Variants in NID2 observed in about 807,000 individuals in gnomAD.
The protein encoded by NID2 is nidogen 2.
In NID2, 83 loss-of-function variants were observed where a neutral mutation model predicts 145.4. That is an observed-to-expected ratio of 0.57 (90% CI 0.48 to 0.69). NID2 has a LOEUF of 0.69. Among genes scored for constraint, NID2 ranks in the 30% least tolerant of loss-of-function variants. NID2 has a pLI of 0.00. For missense variants in NID2, 1,807 were observed against 1,765.7 expected (o/e 1.02, Z -0.42); for synonymous variants, 739 against 701.3 (o/e 1.05, Z -0.85).
chr14:52,015,348 C>G (rs1244090377), intron 14 of NID2, 73 bp from the exon 15 acceptor site: 2 of 1,423,652 alleles, frequency 1.4e-6, no homozygotes, highest in Non-Finnish European at 1.9e-6. Context: ...AAATGTAGCT[C>G]AAGACCCCAT....
Position 52,015,113 on chromosome 14 carries a change from A to C in NID2, c.3191T>G (p.Val1064Gly). Residue 1064 changes from valine (V) to glycine (G), a missense_variant, in exon 15 of 22, where the codon GTG becomes GGG. Physicochemically the swap from Val to Gly is moderately radical, Grantham distance 109. Transcript: ENST00000216286. The stretch of plus-strand genomic sequence containing the variant: ...CTGCACCTCTCTGCCATCTTTGTCC[A>C]CACACCAGCAGAAGTCGCTCTTTCC... ...CHGKSDFCWC[V>G]DKDGREVQGT... The C allele has an allele frequency of 8.1e-6, 13 of 1,614,082 alleles. No homozygotes were observed. The highest frequency in any genetic ancestry group is 1.1e-5 in the Non-Finnish European group (13 of 1,179,994).
chr14:52,067,706 C>G, intron 2 of NID2, 152 bp downstream of exon 2: 1 of 925,046 alleles, frequency 1.1e-6, no homozygotes, highest in Non-Finnish European at 1.7e-6. Flanking sequence ...TCTTTCCTCA[C>G]TCCCAAGCCA....
intron 2 of NID2, among the ~76,000 whole-genome samples, chr14:52,067,326 GA>G (rs1476393565): frequency 2.6e-5 from 4 of 152,010 alleles, no homozygotes; most frequent in Non-Finnish European, 4.4e-5. Flanking sequence ...ACTATTCTGT[GA>G]AAAAAGCAAG....
At chr14:52,052,600 A>G (rs1892714149) in intron 5 of NID2, among the ~76,000 whole-genome samples, 1 of 152,306 alleles carries the variant, frequency 6.6e-6, no homozygotes, top group South Asian at 2.1e-4. Context: ...CCCTCCTGAA[A>G]TTAGTACCTC....
At chr14:52,006,262 C>T (rs1456752682) in intron 20 of NID2, 2 of 420,592 alleles carry the variant, frequency 4.8e-6, no homozygotes, top group Non-Finnish European at 8.7e-6. Flanking sequence ...GATTAATATG[C>T]TCCCTTTTGA....
intron 3 of NID2, 33 bp from the exon 4 acceptor site, chr14:52,054,354 T>C: frequency 6.3e-7 from 1 of 1,585,960 alleles, no homozygotes; most frequent in South Asian, 1.1e-5. Flanking sequence ...TTGTAACAAA[T>C]GTAACAAAAG....
chr14:52,016,242 G>A (rs1891210902), intron 14 of NID2, among the ~76,000 whole-genome samples: 1 of 152,212 alleles, frequency 6.6e-6, no homozygotes, highest in Non-Finnish European at 1.5e-5. Flanking sequence ...GTTCATTTAT[G>A]TTAGGACTAC....
intron 9 of NID2, among the ~76,000 whole-genome samples, chr14:52,035,881 T>TATA (rs1294844874): frequency 1.2e-4 from 6 of 49,532 alleles, no homozygotes; most frequent in East Asian, 8.1e-4. Flanking sequence ...TATATATATG[T>TATA]TTTATTTTGT....
chr14:52,012,057 AATC>A lies in NID2; in HGVS notation c.3421-377_3421-375del, dbSNP rs369324520. ...GACTGATGATTTAAAAAAAAAAAAAAATCAGCCCCTTCAGTAATTAGAGGACAT... is the reference window on the plus strand; with the variant it reads ...GACTGATGATTTAAAAAAAAAAAAAAAGCCCCTTCAGTAATTAGAGGACAT... On this transcript the variant is annotated intron_variant, in intron 16 of 21. Coordinates refer to ENST00000216286, the MANE Select transcript of NID2 (RefSeq NM_007361.4). The A allele has an allele frequency of 7.8e-3, 1,227 of 157,392 alleles. 11 individuals are homozygous for A. Among genetic ancestry groups the A allele is most frequent in the Middle Eastern group, 0.045 (14 of 312 alleles). 9.7% of individuals were successfully genotyped at this position (157,392 alleles called of 1,614,324 possible). A position where few individuals can be genotyped will look rare whatever the true frequency, so the allele number is the denominator to read the frequency against.
At chr14:52,049,547 C>A (rs374723268) in intron 5 of NID2, among the ~76,000 whole-genome samples, 1 of 148,706 alleles carries the variant, frequency 6.7e-6, no homozygotes, top group African/African-American at 2.5e-5. Context: ...ACAGCTGGAG[C>A]AACTACTAAC....
At chr14:52,048,464 T>C (rs1892580404) in intron 5 of NID2, among the ~76,000 whole-genome samples, 1 of 152,006 alleles carries the variant, frequency 6.6e-6, no homozygotes, top group African/African-American at 2.4e-5. Context: ...GGAATCAAGA[T>C]CTGGATCCCA....
intron 19 of NID2, 72 bp from the exon 20 acceptor site, chr14:52,006,732 GAC>G (rs2140338604): frequency 6.6e-7 from 1 of 1,514,142 alleles, no homozygotes; most frequent in Admixed American, 1.7e-5. Context: ...TAGTGATAGT[GAC>G]ACAGTGATAG....
chr14:52,005,492 T>C lies in NID2; in HGVS notation c.4122A>G (p.Arg1374=), dbSNP rs751801903. Residue 1374 remains arginine (R), a synonymous_variant, in exon 22 of 22, where the codon AGA becomes AGG. Coordinates refer to ENST00000216286, the MANE Select transcript of NID2 (RefSeq NM_007361.4). ...TTCCTTTACATTACTGTACTTACTT[T>C]CTTCCTGTGAGAGAAGAGCAGGGGT... ...TAVYPYCPTG[R]K 1 of 1,598,828 alleles carries C rather than the reference T, an allele frequency of 6.3e-7. No homozygotes were observed. The highest frequency in any genetic ancestry group is 8.5e-7 in the Non-Finnish European group (1 of 1,174,298).
chr14:52,015,955 T>C (rs977675799), intron 14 of NID2, among the ~76,000 whole-genome samples: 2 of 152,142 alleles, frequency 1.3e-5, no homozygotes, highest in African/African-American at 2.4e-5. Flanking sequence ...CAGCCCAGTT[T>C]CCAGAATTGC....
intron 9 of NID2, among the ~76,000 whole-genome samples, chr14:52,035,938 A>G (rs977188430): frequency 4.3e-5 from 6 of 139,560 alleles, no homozygotes; most frequent in Admixed American, 2.2e-4. Context: ...TGAACTCCTG[A>G]CCTCAGGTGA....
intron 5 of NID2, among the ~76,000 whole-genome samples, chr14:52,046,905 G>A (rs535168598): frequency 2.6e-5 from 4 of 152,262 alleles, no homozygotes; most frequent in East Asian, 1.9e-4. Flanking sequence ...CCCCTAATCC[G>A]GGGGAAGGCA....
At chr14:52,014,590 A>G in intron 15 of NID2, 134 bp from the exon 16 acceptor site, 7 of 884,860 alleles carry the variant, frequency 7.9e-6, no homozygotes, top group Non-Finnish European at 1.2e-5. Context: ...TGTGCTCCAG[A>G]TGTTCTTCAA....
intron 14 of NID2, among the ~76,000 whole-genome samples, chr14:52,015,627 T>A (rs995996205): frequency 1.6e-4 from 24 of 152,188 alleles, no homozygotes; most frequent in African/African-American, 5.5e-4. Context: ...ACAAGGCCCA[T>A]CCTGCCTGTA....
At chr14:52,015,302 GA>G in intron 14 of NID2, 27 bp from the exon 15 acceptor site, 3 of 1,583,064 alleles carry the variant, frequency 1.9e-6, no homozygotes, top group Non-Finnish European at 2.6e-6. Context: ...GAGGGAAGAA[GA>G]AAAACCTTTG....
Sources: gnomAD v4.1 joint callset for allele counts (sites outside exome capture counted in the v4.1 genomes callset) on GRCh38, gnomAD v4.1.1 for gene constraint, MANE v1.5 for transcripts, NCBI Gene and HGNC (gene_info 2026-07-23, HGNC 2026-07-21) for gene names.